The following TMEM232 variants were observed in gnomAD, a reference collection of about 807,000 sequenced individuals.
The protein encoded by TMEM232 is transmembrane protein 232.
In TMEM232, 80 loss-of-function variants were observed where a neutral mutation model predicts 78.8. That is an observed-to-expected ratio of 1.01 (90% CI 0.85 to 1.22). The LOEUF (loss-of-function observed/expected upper bound fraction) is 1.22. Ranked by LOEUF, TMEM232 falls within the 50% of genes most tolerant of loss-of-function variation. The pLI is 0.00. For synonymous variants in TMEM232, 297 were observed against 254.3 expected, an observed-to-expected ratio of 1.17 and a Z score of -1.60; for missense variants, 881 against 742.2, an observed-to-expected ratio of 1.19 and a Z score of -2.17.
chr5:110,551,128 A>G (rs1561674123), intron 11 of TMEM232, among the ~76,000 whole-genome samples: 1 of 152,190 alleles, frequency 6.6e-6, no homozygotes, highest in East Asian at 1.9e-4. Context: ...CTAATCTAGA[A>G]TATGAATAAG....
At chr5:110,655,169 ATTATC>A (rs1788858514) in intron 2 of TMEM232, among the ~76,000 whole-genome samples, 1 of 152,198 alleles carries the variant, frequency 6.6e-6, no homozygotes, top group Non-Finnish European at 1.5e-5. Flanking sequence ...ACAAAGGGCT[ATTATC>A]CAGAATCTAC....
At chr5:110,568,010 T>G (rs1776535175) in intron 11 of TMEM232, among the ~76,000 whole-genome samples, 1 of 151,956 alleles carries the variant, frequency 6.6e-6, no homozygotes, top group Non-Finnish European at 1.5e-5. Flanking sequence ...AACATAGCCC[T>G]CAAATTAGAG....
chr5:110,532,601 A>AG (rs1233976902), intron 11 of TMEM232, among the ~76,000 whole-genome samples: 17 of 151,994 alleles, frequency 1.1e-4, no homozygotes, highest in Admixed American at 1.1e-3. Context: ...TTCCCTTATT[A>AG]GGCTGAGACA....
At chr5:110,677,905 G>A (rs962519608) in intron 1 of TMEM232, among the ~76,000 whole-genome samples, 3 of 152,098 alleles carry the variant, frequency 2.0e-5, no homozygotes, top group African/African-American at 7.2e-5. Context: ...GGAGAGATAC[G>A]TTAGTTCATG....
chr5:110,667,386 T>A (rs770812614), intron 1 of TMEM232, 22 bp from the exon 2 acceptor site: 5 of 1,470,770 alleles, frequency 3.4e-6, no homozygotes, highest in Non-Finnish European at 4.5e-6. Flanking sequence ...ATTAAATGTA[T>A]GTTAGCATAC....
At chr5:110,468,243 A>T (rs1398578233) in intron 12 of TMEM232, among the ~76,000 whole-genome samples, 5 of 152,192 alleles carry the variant, frequency 3.3e-5, no homozygotes, top group African/African-American at 1.2e-4. Flanking sequence ...CACCAATCCA[A>T]AATTATCTTC....
intron 10 of TMEM232, among the ~76,000 whole-genome samples, chr5:110,588,715 A>AAAAGTGG (rs1779145909): frequency 6.6e-6 from 1 of 152,168 alleles, no homozygotes; most frequent in South Asian, 2.1e-4. Flanking sequence ...TTCAGAGTCC[A>AAAAGTGG]AAAGTGGAAA....
chr5:110,702,650 T>C (rs909113076), intron 1 of TMEM232, among the ~76,000 whole-genome samples: 10 of 152,064 alleles, frequency 6.6e-5, no homozygotes, highest in Non-Finnish European at 1.5e-4. Context: ...GCTTTTGATG[T>C]CCAGACAGGA....
At chr5:110,429,944 C>T (rs1353904543) in intron 12 of TMEM232, 1 of 151,638 alleles carries the variant, frequency 6.6e-6, no homozygotes. Context: ...TGTCTTAGTT[C>T]TATTGCAATT....
chr5:110,726,363 C>T (rs1798156361), intron 1 of TMEM232, among the ~76,000 whole-genome samples: 1 of 152,054 alleles, frequency 6.6e-6, no homozygotes, highest in Non-Finnish European at 1.5e-5. Flanking sequence ...CCTTTATTCT[C>T]CCCAACAAAA....
chr5:110,671,663 C>A (rs373602764), intron 1 of TMEM232, among the ~76,000 whole-genome samples: 4 of 152,082 alleles, frequency 2.6e-5, no homozygotes, highest in East Asian at 1.9e-4. Flanking sequence ...CCAAACATTG[C>A]GTATTCTCAC....
At chr5:110,520,115 T>C (rs917143715) in intron 12 of TMEM232, among the ~76,000 whole-genome samples, 65 of 151,150 alleles carry the variant, frequency 4.3e-4, no homozygotes, top group Non-Finnish European at 1.0e-4. Context: ...CACAATAGGG[T>C]AACTACAGTT....
At chr5:110,646,755 G>T (rs553562858) in intron 2 of TMEM232, among the ~76,000 whole-genome samples, 1 of 151,790 alleles carries the variant, frequency 6.6e-6, no homozygotes, top group East Asian at 1.9e-4. Flanking sequence ...GGCAATCTAC[G>T]AATTGATAGA....
chr5:110,513,128 T>C (rs1002653205), intron 12 of TMEM232, among the ~76,000 whole-genome samples: 1 of 152,134 alleles, frequency 6.6e-6, no homozygotes, highest in African/African-American at 2.4e-5. Context: ...ATGTAACAGA[T>C]AGATAGATAG....
chr5:110,405,567 T>C (rs564522895), intron 2 of TMEM232, among the ~76,000 whole-genome samples: 11 of 151,466 alleles, frequency 7.3e-5, no homozygotes, highest in East Asian at 1.9e-4. Flanking sequence ...TGGGAGAGAA[T>C]TGGAAGTTGT....
At chr5:110,718,842 G>C (rs1010380265) in intron 1 of TMEM232, among the ~76,000 whole-genome samples, 1 of 151,730 alleles carries the variant, frequency 6.6e-6, no homozygotes, top group Admixed American at 6.6e-5. Flanking sequence ...GTATCTTCAA[G>C]TACACTGATT....
At chr5:110,701,015 A>G (rs1290919483) in intron 1 of TMEM232, among the ~76,000 whole-genome samples, 1 of 151,934 alleles carries the variant, frequency 6.6e-6, no homozygotes, top group Non-Finnish European at 1.5e-5. Context: ...TTAGATGAAT[A>G]CCATTCTTTC....
intron 2 of TMEM232, among the ~76,000 whole-genome samples, chr5:110,408,390 G>A (rs1042180672): frequency 3.3e-5 from 5 of 152,126 alleles, no homozygotes; most frequent in African/African-American, 9.6e-5. Context: ...TCAGGAATTC[G>A]ACACCAGCCT....
intron 10 of TMEM232, among the ~76,000 whole-genome samples, chr5:110,595,886 G>T (rs1444546124): frequency 6.6e-6 from 1 of 152,082 alleles, no homozygotes; most frequent in Admixed American, 6.6e-5. Context: ...CCCCAACCTA[G>T]TAAGAGAGGC....
Sources: gnomAD v4.1 joint callset for allele counts (sites outside exome capture counted in the v4.1 genomes callset) on GRCh38, gnomAD v4.1.1 for gene constraint, MANE v1.5 for transcripts, NCBI Gene and HGNC (gene_info 2026-07-23, HGNC 2026-07-21) for gene names.